Variants in RBFOX1 observed in about 807,000 individuals in gnomAD.
The protein encoded by RBFOX1 is RNA binding protein fox-1 homolog 1.
A neutral mutation model predicts 57.7 loss-of-function variants in RBFOX1; 8 were observed. The ratio of observed to expected loss-of-function variants is 0.14; its 90% CI spans 0.08 to 0.25. RBFOX1 has a LOEUF of 0.25. Among genes scored for constraint, RBFOX1 ranks in the 10% least tolerant of loss-of-function variants. RBFOX1 has a pLI of 1.00. For synonymous variants in RBFOX1, 326 were observed against 222.4 expected (o/e 1.47, Z -4.15); for missense variants, 611 against 548.5 (o/e 1.11, Z -1.14).
intron 1 of RBFOX1, among the ~76,000 whole-genome samples, chr16:5,292,236 A>G (rs1260044773): frequency 3.3e-5 from 5 of 152,230 alleles, no homozygotes; most frequent in Non-Finnish European, 7.3e-5. Flanking sequence ...CTGCGGCTGC[A>G]GGAGGTTGAC....
chr16:5,448,946 G>T lies in RBFOX1; in HGVS notation c.220-18270G>T, dbSNP rs556998044. ...GTGTCTCCTCCCACTCTCTACTGCA[G>T]ACCCCCTGGCTGCCATAACCCCACC... is the stretch of plus-strand genomic sequence containing the variant. On this transcript the variant is annotated intron_variant, in intron 1 of 2. Transcript: ENST00000585867. Among the ~76,000 whole-genome samples the T allele has an allele frequency of 3.2e-4, 48 of 152,152 alleles. 1 individual carries two copies. Among genetic ancestry groups the T allele is most frequent in the African/African-American group, 1.1e-3 (47 of 41,502 alleles).
At chr16:5,381,864 C>G (rs546143441) in intron 1 of RBFOX1, among the ~76,000 whole-genome samples, 83 of 152,330 alleles carry the variant, frequency 5.4e-4, no homozygotes, top group African/African-American at 1.7e-3. Flanking sequence ...AACAGGCTGG[C>G]TAACTCCAGC....
At chr16:6,869,355 C>G (rs564182863) in intron 3 of RBFOX1, among the ~76,000 whole-genome samples, 46 of 152,216 alleles carry the variant, frequency 3.0e-4, no homozygotes, top group African/African-American at 1.1e-3. Flanking sequence ...GTTCACAAAT[C>G]CCATAGTTGT....
At chr16:5,296,835 C>T (rs776983747) in intron 1 of RBFOX1, among the ~76,000 whole-genome samples, 14 of 152,006 alleles carry the variant, frequency 9.2e-5, no homozygotes, top group African/African-American at 1.2e-4. Context: ...CGCACCACCA[C>T]GCCCAGCTAA....
chr16:6,602,971 C>T (rs1399318598), intron 2 of RBFOX1, among the ~76,000 whole-genome samples: 2 of 152,130 alleles, frequency 1.3e-5, no homozygotes, highest in East Asian at 1.9e-4. Context: ...GCTGTTATTA[C>T]CCTTTTTCTA....
chr16:6,563,862 GTATGTATGTA>G (rs1220724299), intron 2 of RBFOX1, among the ~76,000 whole-genome samples: 1 of 151,628 alleles, frequency 6.6e-6, no homozygotes, highest in Non-Finnish European at 1.5e-5. Context: ...GTGTGTGTGT[GTATGTATGTA>G]TATGTATGTG....
At position 5,458,925 on chromosome 16, in the gene RBFOX1, C is replaced by G. The variant is rs568909026; in HGVS notation, c.220-8291C>G. On this transcript the variant is annotated intron_variant, in intron 1 of 2. Coordinates refer to the RBFOX1 transcript ENST00000585867. The stretch of plus-strand genomic sequence containing the variant: ...GGATCTCATAGTCTTGTGGCAGAAG[C>G]CAAGAGCACCTGGCTTCAACTCTTC... 2.0e-5 allele frequency among the ~76,000 whole-genome samples: 3 copies of G among 152,300 alleles called. No individual in the cohort carries two copies. The South Asian group carries it at 6.2e-4, about 32-fold the overall frequency.
chr16:7,364,597 A>T (rs1015051508), intron 4 of RBFOX1, among the ~76,000 whole-genome samples: 11 of 151,796 alleles, frequency 7.2e-5, no homozygotes, highest in African/African-American at 2.7e-4. Context: ...AAACAAAAAA[A>T]AAAAACTTGG....
chr16:5,548,174 A>ATATATATATATATATATAT (rs1282445806), intron 2 of RBFOX1, among the ~76,000 whole-genome samples: 11 of 33,542 alleles, frequency 3.3e-4, no homozygotes, highest in Admixed American at 1.0e-3. Context: ...AAAAAAAAAA[A>ATATATATATATATATATAT]ATATATATAT....
rs1412677130 is a variant in RBFOX1 at position 5,548,168 on chromosome 16, A to G, written c.259-50734A>G. On this transcript the variant is annotated intron_variant, in intron 2 of 2. Transcript: ENST00000585867. ...AGAGCAAGACTCTGTTAAAAAAAAA[A>G]AAAAAAATATATATATATATATATA... Among the ~76,000 whole-genome samples, 3 of 57,190 alleles carry G rather than the reference A, an allele frequency of 5.2e-5. 1 individual carries two copies. The highest frequency in any genetic ancestry group is 1.2e-4 in the Non-Finnish European group (3 of 24,582). The allele number at this position is 57,190 out of a possible 152,430, so 37.5% of individuals were successfully genotyped here. A position where few individuals can be genotyped will look rare whatever the true frequency, so the allele number is the denominator to read the frequency against.
intron 4 of RBFOX1, among the ~76,000 whole-genome samples, chr16:7,360,540 G>T (rs1050301545): frequency 2.0e-5 from 3 of 152,132 alleles, no homozygotes; most frequent in African/African-American, 7.2e-5. Flanking sequence ...GGAAGGTAAC[G>T]GGTGGCCTGA....
chr16:5,333,245 G>A lies in RBFOX1; in HGVS notation c.219+93140G>A, dbSNP rs185485423. Among the ~76,000 whole-genome samples, 205 of 152,276 alleles carry A rather than the reference G, an allele frequency of 1.3e-3. No individual in the cohort carries two copies. In the Middle Eastern group the frequency reaches 0.017, roughly 13 times the overall value. ...AAGATAAGATTGATCATTAAATGCA[G>A]GGGCTGACAAACCATGGTCTGTGAT... On this transcript the variant is annotated intron_variant, in intron 1 of 2. Transcript: ENST00000585867.
chr16:7,161,818 C>T (rs79232445), intron 4 of RBFOX1, among the ~76,000 whole-genome samples: 1,554 of 152,282 alleles, frequency 0.01, 27 homozygotes, highest in African/African-American at 0.035. Context: ...TTAGAAGTTT[C>T]TAGTCAGTCC....
chr16:7,701,305 G>C (rs74011863), intron 14 of RBFOX1, among the ~76,000 whole-genome samples: 31 of 151,930 alleles, frequency 2.0e-4, no homozygotes, highest in East Asian at 5.8e-4. Flanking sequence ...GGTGGTGAGC[G>C]GGGTGGGGGG....
intron 4 of RBFOX1, among the ~76,000 whole-genome samples, chr16:7,258,699 C>G (rs1470354142): frequency 6.6e-6 from 1 of 152,172 alleles, no homozygotes; most frequent in Non-Finnish European, 1.5e-5. Flanking sequence ...GTCATGGTTG[C>G]TGTTCTATTA....
chr16:5,261,590 C>T (rs1016517306), intron 1 of RBFOX1, among the ~76,000 whole-genome samples: 1 of 144,948 alleles, frequency 6.9e-6, no homozygotes, highest in Admixed American at 7.2e-5. Context: ...CTCCCTGTCA[C>T]CCAGCCTTGA....
intron 1 of RBFOX1, among the ~76,000 whole-genome samples, chr16:6,289,683 G>A (rs2077263654): frequency 6.6e-6 from 1 of 152,122 alleles, no homozygotes; most frequent in African/African-American, 2.4e-5. Context: ...AAGATGCATT[G>A]AGCAATAGGA....
At chr16:6,627,767 C>T (rs1449643708) in intron 2 of RBFOX1, among the ~76,000 whole-genome samples, 1 of 151,956 alleles carries the variant, frequency 6.6e-6, no homozygotes, top group African/African-American at 2.4e-5. Flanking sequence ...TGGTGCAGGT[C>T]GAAACTGAAG....
At chr16:7,595,773 TA>T in intron 8 of RBFOX1, 132 bp downstream of exon 8, 3 of 354,442 alleles carry the variant, frequency 8.5e-6, no homozygotes, top group Admixed American at 5.6e-5. Flanking sequence ...TATATATATA[TA>T]TTTTTATATA....
Sources: gnomAD v4.1 joint callset for allele counts (sites outside exome capture counted in the v4.1 genomes callset) on GRCh38, gnomAD v4.1.1 for gene constraint, MANE v1.5 for transcripts, NCBI Gene and HGNC (gene_info 2026-07-23, HGNC 2026-07-21) for gene names.